MTHFD2L: variants seen among roughly 807,000 people sequenced by gnomAD.
MTHFD2L encodes the protein methylenetetrahydrofolate dehydrogenase (NADP+ dependent) 2 like, also known as bifunctional methylenetetrahydrofolate dehydrogenase/cyclohydrolase 2, mitochondrial.
A neutral mutation model predicts 34.9 loss-of-function variants in MTHFD2L; 29 were observed. The observed-to-expected ratio is 0.83, with a 90% CI of 0.62 to 1.13. The LOEUF (loss-of-function observed/expected upper bound fraction) is 1.13, where lower values mean the gene tolerates loss of function less well. Among genes scored for constraint, MTHFD2L ranks in the 50% most tolerant of loss-of-function variants. The pLI, the probability that MTHFD2L is intolerant of heterozygous loss-of-function variation, is 0.00. For synonymous variants in MTHFD2L, 167 were observed against 155.7 expected (o/e 1.07, Z -0.54); for missense variants, 481 against 446.5 (o/e 1.08, Z -0.70).
chr4:74,116,075 G>A (rs1721651465), intron 2 of MTHFD2L, among the ~76,000 whole-genome samples: 1 of 152,142 alleles, frequency 6.6e-6, no homozygotes, highest in African/African-American at 2.4e-5. Context: ...TTTTCACTCT[G>A]ATTATTGGAA....
chr4:74,160,449 T>A (rs984100758), intron 1 of MTHFD2L: 1 of 157,992 alleles, frequency 6.3e-6, no homozygotes, highest in African/African-American at 2.4e-5. Context: ...AGAATTTCAA[T>A]AATTAATGTT....
At chr4:74,280,237 A>G (rs545801932) in intron 6 of MTHFD2L, 2 of 152,258 alleles carry the variant, frequency 1.3e-5, no homozygotes, top group South Asian at 2.1e-4. Context: ...GACCAATAGT[A>G]TATGACAGAA....
In MTHFD2L at chr4:74,201,317, G is replaced by A. The variant is rs777862952; in HGVS notation, c.659G>A (p.Gly220Glu). The part of the protein sequence containing the change: ...VVVAGRSKNV[G>E]MPIAMLLHTD... The stretch of plus-strand genomic sequence containing the variant: ...GTGGCTGGAAGATCCAAGAACGTAG[G>A]GATGCCTATTGCCATGCTTTTACAC... The change falls in exon 5 of 8, where the codon GGG (glycine) becomes GAG (glutamate). Residue 220 changes from glycine to glutamate, a missense_variant. Gly to Glu is a moderately conservative substitution (Grantham distance 98). Coordinates refer to ENST00000325278, the MANE Select transcript of MTHFD2L (RefSeq NM_001144978.3). 95 of 1,613,574 alleles carry A rather than the reference G, an allele frequency of 5.9e-5. No homozygotes were observed. Among genetic ancestry groups the A allele is most frequent in the Non-Finnish European group, 8.0e-5 (94 of 1,179,834 alleles).
At chr4:74,240,117 C>T (rs1478067729) in intron 6 of MTHFD2L, among the ~76,000 whole-genome samples, 1 of 152,170 alleles carries the variant, frequency 6.6e-6, no homozygotes, top group Non-Finnish European at 1.5e-5. Context: ...GGTTCCCCCT[C>T]CTCTACTTAA....
At chr4:74,297,327 C>A (rs1251862249) in intron 7 of MTHFD2L, among the ~76,000 whole-genome samples, 3 of 152,020 alleles carry the variant, frequency 2.0e-5, no homozygotes, top group African/African-American at 7.2e-5. Flanking sequence ...TTCAGTAGGT[C>A]TAAAATCATG....
chr4:74,122,699 T>C (rs1721823538), upstream of MTHFD2L, among the ~76,000 whole-genome samples: 1 of 152,300 alleles, frequency 6.6e-6, no homozygotes. Flanking sequence ...ACATGACAAC[T>C]AAATGCAATA....
At chr4:74,223,800 G>T (rs1738654145) in intron 5 of MTHFD2L, among the ~76,000 whole-genome samples, 1 of 151,088 alleles carries the variant, frequency 6.6e-6, no homozygotes. Flanking sequence ...TCTTTCTATT[G>T]AATTTTTAAA....
intron 6 of MTHFD2L, among the ~76,000 whole-genome samples, chr4:74,248,670 G>A (rs1742848538): frequency 6.7e-6 from 1 of 148,316 alleles, no homozygotes; most frequent in Admixed American, 6.7e-5. Flanking sequence ...CAGAGATTCT[G>A]GTATGTTGTG....
Position 74,143,095 on chromosome 4 carries a change from C to T in MTHFD2L, c.-296-16960C>T, listed in dbSNP as rs72854809. ...TCTTTGGTGTAGATGTCCACACTGT[C>T]TATATATTACCAGCATTAAGGACCT... On this transcript the variant is annotated intron_variant, in intron 1 of 7. Coordinates refer to the MTHFD2L transcript ENST00000433372. Among the ~76,000 whole-genome samples, 424 of 152,058 alleles carry T rather than the reference C, an allele frequency of 2.8e-3. 3 individuals carry two copies. The highest frequency in any genetic ancestry group is 9.5e-3 in the African/African-American group (395 of 41,454).
At position 74,196,823 on chromosome 4, in the gene MTHFD2L, A is replaced by G. The variant is rs560688143; in HGVS notation, c.452-2971A>G. Among the ~76,000 whole-genome samples, 64 of 151,960 alleles carry G rather than the reference A, an allele frequency of 4.2e-4. No individual in the cohort carries two copies. In the South Asian group the frequency reaches 0.012, roughly 28 times the overall value. Reference sequence around the variant, plus strand: ...TAACCAGGCATGGTGGCACATGCCTATAGTCCCAGCTACTGGGGAGGCTGA... The same window carrying G: ...TAACCAGGCATGGTGGCACATGCCTGTAGTCCCAGCTACTGGGGAGGCTGA... On this transcript the variant is annotated intron_variant, in intron 3 of 7. Coordinates refer to ENST00000325278, the MANE Select transcript of MTHFD2L (RefSeq NM_001144978.3).
At chr4:74,221,649 G>T (rs1399377213) in intron 5 of MTHFD2L, among the ~76,000 whole-genome samples, 2 of 151,676 alleles carry the variant, frequency 1.3e-5, no homozygotes, top group African/African-American at 4.8e-5. Context: ...ATGCTGTATA[G>T]AATTAGCAAA....
chr4:74,249,431 A>T lies in MTHFD2L; in HGVS notation c.805+24037A>T, dbSNP rs571629378. 2.5e-3 allele frequency among the ~76,000 whole-genome samples: 376 copies of T among 152,130 alleles called. 1 individual carries two copies. The highest frequency in any genetic ancestry group is 8.2e-3 in the African/African-American group (339 of 41,502). On this transcript the variant is annotated intron_variant, in intron 6 of 7. Transcript: ENST00000325278. ...GCACACTGATGGGTCTTGACTCTTT[A>T]TCCAATTTGCCAGTCTGTGTCTTTT...
intron 1 of MTHFD2L, among the ~76,000 whole-genome samples, chr4:74,141,369 C>T (rs1232538519): frequency 3.9e-5 from 6 of 152,158 alleles, no homozygotes; most frequent in Non-Finnish European, 8.8e-5. Flanking sequence ...GGTACGAATG[C>T]TAGAGAAAGT....
intron 1 of MTHFD2L, among the ~76,000 whole-genome samples, chr4:74,165,260 A>T (rs1005862806): frequency 6.6e-6 from 1 of 152,230 alleles, no homozygotes; most frequent in Non-Finnish European, 1.5e-5. Context: ...ATGAACAATT[A>T]TTCCTGGTGC....
chr4:74,163,877 T>A (rs1288425564), intron 1 of MTHFD2L, among the ~76,000 whole-genome samples: 1 of 152,150 alleles, frequency 6.6e-6, no homozygotes, highest in Non-Finnish European at 1.5e-5. Context: ...TTTGTTTGTT[T>A]GTTTTGTTTT....
At chr4:74,120,459 A>G (rs908317037), upstream of MTHFD2L, among the ~76,000 whole-genome samples, 1 of 152,226 alleles carries the variant, frequency 6.6e-6, no homozygotes, top group East Asian at 1.9e-4. Context: ...ATGATTGCAT[A>G]TCAGGAAAAC....
At chr4:74,225,775 A>G (rs1739053529) in intron 6 of MTHFD2L, among the ~76,000 whole-genome samples, 1 of 152,164 alleles carries the variant, frequency 6.6e-6, no homozygotes, top group Non-Finnish European at 1.5e-5. Context: ...TAGAATGTTC[A>G]GGTGAGGGGA....
chr4:74,204,857 A>G (rs1213319301), intron 5 of MTHFD2L, among the ~76,000 whole-genome samples: 2 of 152,212 alleles, frequency 1.3e-5, no homozygotes, highest in Non-Finnish European at 2.9e-5. Context: ...TGAGAAAGAT[A>G]AACACAAATT....
intron 3 of MTHFD2L, chr4:74,195,687 GA>G (rs1397964341): frequency 6.6e-6 from 1 of 152,286 alleles, no homozygotes; most frequent in African/African-American, 2.4e-5. Context: ...TCAGAGTCCT[GA>G]AAACATGTGC....
Sources: gnomAD v4.1 joint callset for allele counts (sites outside exome capture counted in the v4.1 genomes callset) on GRCh38, gnomAD v4.1.1 for gene constraint, MANE v1.5 for transcripts, NCBI Gene and HGNC (gene_info 2026-07-23, HGNC 2026-07-21) for gene names.